The following TTBK1 variants were observed in gnomAD, a reference collection of about 807,000 sequenced individuals.
TTBK1 encodes the protein tau-tubulin kinase 1.
TTBK1 carries 34 observed loss-of-function variants against 108.5 expected under a neutral mutation model. The ratio of observed to expected loss-of-function variants is 0.31; its 90% CI spans 0.24 to 0.42. TTBK1 has a LOEUF of 0.42. Ranked by LOEUF, TTBK1 falls within the 10% of genes least tolerant of loss-of-function variation. The probability of loss-of-function intolerance (pLI) is 1.00; values close to 1 mark genes in which losing one functional copy is unlikely to be tolerated. For synonymous variants in TTBK1, 809 were observed against 795.1 expected (o/e 1.02, Z -0.29); for missense variants, 1,539 against 1,826.0 (o/e 0.84, Z 2.86).
intron 13 of TTBK1, among the ~76,000 whole-genome samples, chr6:43,279,428 G>T (rs976553819): frequency 1.1e-4 from 16 of 152,206 alleles, no homozygotes; most frequent in African/African-American, 3.6e-4. Context: ...GGATGTGCTG[G>T]TGCCAGTTGG....
intron 13 of TTBK1, among the ~76,000 whole-genome samples, chr6:43,281,653 G>A (rs1396380450): frequency 6.6e-6 from 1 of 152,188 alleles, no homozygotes; most frequent in Non-Finnish European, 1.5e-5. Context: ...GGGCAGGAAA[G>A]TGGGGAGGCA....
chr6:43,285,354 A>G lies in TTBK1; in HGVS notation c.3944A>G (p.Glu1315Gly). ...ACCAAAGGCCGGGCAGGAGGCGCGG[A>G]GGGCCGGGCTGGGGCCAGATAATGA... ...ATTKGRAGGA[E>G]GRAGAR Residue 1315 changes from glutamate to glycine, a missense_variant, in exon 15 of 15, where the codon GAG (glutamate) becomes GGG (glycine). Physicochemically the swap from Glu to Gly is moderately conservative, Grantham distance 98. Transcript: ENST00000259750. The surrounding 1 kb of genome is among the most constrained non-coding windows in gnomAD (Gnocchi z 4.7). 4 of 1,282,556 alleles carry G rather than the reference A, an allele frequency of 3.1e-6. No individual in the cohort carries two copies. Among genetic ancestry groups the G allele is most frequent in the Non-Finnish European group, 3.9e-6 (4 of 1,019,658 alleles). The allele number at this position is 1,282,556 out of a possible 1,614,324, so 79.4% of individuals were successfully genotyped here.
chr6:43,247,444 G>A (rs925281399), intron 2 of TTBK1, among the ~76,000 whole-genome samples: 4 of 152,226 alleles, frequency 2.6e-5, no homozygotes, highest in Admixed American at 1.3e-4. Context: ...GAGACCTACT[G>A]TAAATCACCT....
intron 13 of TTBK1, among the ~76,000 whole-genome samples, chr6:43,274,006 C>T (rs917159622): frequency 6.6e-6 from 1 of 152,130 alleles, no homozygotes; most frequent in Non-Finnish European, 1.5e-5. Flanking sequence ...GCATAAGTGC[C>T]TGAATGAGTG....
rs528554302 is a variant in TTBK1, at chr6:43,269,775, G to A, written c.1986+6425G>A. ...TCACCCCGGCGGCGGCGGCTCCTCG[G>A]GCTCCTCCGGTTCCCTCATTCAGCG... On this transcript the variant is annotated intron_variant, in intron 13 of 14. Coordinates refer to ENST00000259750, the MANE Select transcript of TTBK1 (RefSeq NM_032538.3). This position sits in a 1 kb window ranked among gnomAD's most constrained non-coding sequence, Gnocchi z 4.8. 1 of 1,584,468 alleles carries A rather than the reference G, an allele frequency of 6.3e-7. No individual in the cohort carries two copies. The highest frequency in any genetic ancestry group is 1.1e-5 in the South Asian group (1 of 88,482).
chr6:43,263,056 G>A lies in TTBK1; in HGVS notation c.1692G>A (p.Ser564=), dbSNP rs1249266602. ...DFPPGAEPST[S]GTTDEEPEEL... ...CTCCAGGGGCTGAGCCCAGCACATC[G>A]GGCACCACGGATGAGGAGCCCGAGG... Residue 564 remains serine, a synonymous_variant, in exon 13 of 15, where the codon TCG becomes TCA. Transcript: ENST00000259750. The surrounding 1 kb of genome is among the most constrained non-coding windows in gnomAD (Gnocchi z 4.7). The A allele has an allele frequency of 6.9e-6, 11 of 1,584,772 alleles. No homozygotes were observed. The highest frequency in any genetic ancestry group is 5.5e-5 in the Admixed American group (3 of 54,692).
At chr6:43,271,499 C>A in intron 13 of TTBK1, 1 of 985,424 alleles carries the variant, frequency 1.0e-6, no homozygotes, top group Non-Finnish European at 1.2e-6. Flanking sequence ...TCCTATGTAG[C>A]TACTCTCATC....
chr6:43,270,251 A>C, intron 13 of TTBK1: 2 of 1,207,082 alleles, frequency 1.7e-6, no homozygotes, highest in East Asian at 4.3e-5. Context: ...GGAGCCACTG[A>C]TGGGTCCAGA....
intron 12 of TTBK1, among the ~76,000 whole-genome samples, chr6:43,262,460 T>C (rs1777566872): frequency 2.0e-5 from 3 of 152,152 alleles, no homozygotes; most frequent in African/African-American, 7.2e-5. Flanking sequence ...TTAGCTTCCC[T>C]AGGGTGGCCC....
rs1391346713 is a variant in TTBK1 at position 43,273,109 on chromosome 6, A to AGATCCCAGT, written c.1987-9617_1987-9609dup. The stretch of plus-strand genomic sequence containing the variant: ...TAAACCTCATGATAGCTTATGAGGT[A>AGATCCCAGT]GATCCCAGTATTATCTGCATTCAAC... On this transcript the variant is annotated intron_variant, in intron 13 of 14. Transcript: ENST00000259750. This position sits in a 1 kb window ranked among gnomAD's most constrained non-coding sequence, Gnocchi z 4.2. Among the ~76,000 whole-genome samples, 1 of 152,236 alleles carries AGATCCCAGT rather than the reference A, an allele frequency of 6.6e-6. No individual in the cohort carries two copies. Among genetic ancestry groups the AGATCCCAGT allele is most frequent in the African/African-American group, 2.4e-5 (1 of 41,454 alleles).
In TTBK1 at chr6:43,269,611, T is replaced by A. The variant is rs1318255492; in HGVS notation, c.1986+6261T>A. The A allele has an allele frequency of 6.3e-7, 1 of 1,593,866 alleles. No individual in the cohort carries two copies. The highest frequency in any genetic ancestry group is 8.6e-7 in the Non-Finnish European group (1 of 1,168,142). ...AGCTGTCGAGTCTGTGCCTGACACC[T>A]CTTTTCCCTCCACTTTCTTGGTCTC... On this transcript the variant is annotated intron_variant, in intron 13 of 14. Transcript: ENST00000259750. The surrounding 1 kb of genome is among the most constrained non-coding windows in gnomAD (Gnocchi z 4.8).
Position 43,269,962 on chromosome 6 carries a change from C to G in TTBK1, c.1986+6612C>G. 3 of 1,435,412 alleles carry G rather than the reference C, an allele frequency of 2.1e-6. No homozygotes were observed. Among genetic ancestry groups the G allele is most frequent in the Non-Finnish European group, 2.7e-6 (3 of 1,098,584 alleles). The allele number at this position is 1,435,412 out of a possible 1,614,324, so 88.9% of individuals were successfully genotyped here. On this transcript the variant is annotated intron_variant, in intron 13 of 14. Transcript: ENST00000259750. The surrounding 1 kb of genome is among the most constrained non-coding windows in gnomAD (Gnocchi z 4.8). ...ACCCACAAGACCTAGGCTGGGCCCC[C>G]CCCCTCCTGGAGGGGGCAGGTGGGG...
In TTBK1 at chr6:43,269,663, G is replaced by A; in HGVS notation, c.1986+6313G>A. ...TTCAGTTGGAGGAGGACAGACTCTCGGGGCACTCCCTCCCGCGGTACAGCC... is the reference window on the plus strand; with the variant it reads ...TTCAGTTGGAGGAGGACAGACTCTCAGGGCACTCCCTCCCGCGGTACAGCC... On this transcript the variant is annotated intron_variant, in intron 13 of 14. Coordinates refer to ENST00000259750, the MANE Select transcript of TTBK1 (RefSeq NM_032538.3). This position sits in a 1 kb window ranked among gnomAD's most constrained non-coding sequence, Gnocchi z 4.8. The A allele has an allele frequency of 1.2e-6, 2 of 1,611,040 alleles. No homozygotes were observed. The highest frequency in any genetic ancestry group is 1.1e-5 in the South Asian group (1 of 91,046).
chr6:43,284,119 A>G lies in TTBK1; in HGVS notation c.3379A>G (p.Thr1127Ala). 1.9e-6 allele frequency: 3 copies of G among 1,539,672 alleles called. No individual in the cohort carries two copies. The South Asian group carries it at 3.5e-5, about 18-fold the overall frequency. The change falls in exon 14 of 15, where the codon ACG becomes GCG. Residue 1127 changes from threonine (T) to alanine (A), a missense_variant. Thr to Ala is a moderately conservative substitution (Grantham distance 58, BLOSUM62 0). Transcript: ENST00000259750. ...CCGTGCCTCTGAGACCCTCTCAGGC[A>G]CGGGCTCTGAGGAGGACACGCCCGC... The part of the protein sequence containing the change: ...QRRASETLSG[T>A]GSEEDTPASE...
intron 13 of TTBK1, among the ~76,000 whole-genome samples, chr6:43,277,760 C>T (rs1778045061): frequency 1.3e-5 from 2 of 152,202 alleles, no homozygotes; most frequent in African/African-American, 4.8e-5. Context: ...CAGACAAATG[C>T]AAGTGAAGGG....
chr6:43,271,845 G>C lies in TTBK1; in HGVS notation c.1986+8495G>C, dbSNP rs189013187. 5 of 985,108 alleles carry C rather than the reference G, an allele frequency of 5.1e-6. No individual in the cohort carries two copies. The East Asian group carries it at 4.6e-4, about 90-fold the overall frequency. 61.0% of individuals were successfully genotyped at this position (985,108 alleles called of 1,614,324 possible). On this transcript the variant is annotated intron_variant, in intron 13 of 14. Transcript: ENST00000259750. ...CTTCTCCATCTGGCAACAAAAGCCA[G>C]ATTTGGGTTCTAATACTTGTGCCCC...
rs773196114 is a variant in TTBK1 at position 43,257,951 on chromosome 6, C to T, written c.1001C>T (p.Thr334Met). ...STPPQQNTRQ[T>M]AAMFGVVNVT... ...CCGCCCCAGCAGAACACCCGGCAGA[C>T]GGCAGCCATGTTTGGGTGAGTCTCA... Residue 334 changes from threonine to methionine, a missense_variant, in exon 10 of 15, where the codon ACG becomes ATG. Thr to Met is a moderately conservative substitution (Grantham distance 81, BLOSUM62 -1). Transcript: ENST00000259750. This position sits in a 1 kb window ranked among gnomAD's most constrained non-coding sequence, Gnocchi z 4.5. 7 of 1,612,896 alleles carry T rather than the reference C, an allele frequency of 4.3e-6. No homozygotes were observed. Among genetic ancestry groups the T allele is most frequent in the East Asian group, 2.2e-5 (1 of 44,850 alleles).
At chr6:43,281,320 G>A (rs6929569) in intron 13 of TTBK1, among the ~76,000 whole-genome samples, 4,551 of 150,660 alleles carry the variant, frequency 0.03, 145 homozygotes, top group African/African-American at 0.084. Context: ...AGGTTGCAGT[G>A]AGCCGAGATC....
At position 43,253,296 on chromosome 6, in the gene TTBK1, G is replaced by A; in HGVS notation, c.262G>A (p.Asp88Asn). Residue 88 changes from aspartate (D) to asparagine (N), a missense_variant, in exon 4 of 15, where the codon GAC (aspartate) becomes AAC (asparagine). Physicochemically the swap from Asp to Asn is conservative, Grantham distance 23. Coordinates refer to ENST00000259750, the MANE Select transcript of TTBK1 (RefSeq NM_032538.3). The surrounding 1 kb of genome is among the most constrained non-coding windows in gnomAD (Gnocchi z 5.8). Reference sequence around the variant, plus strand: ...CCTATGTCTGTGCCCCTCAGGGAAGGACCATGTGTGCAGGTTCATTGGCTG... The same window carrying A: ...CCTATGTCTGTGCCCCTCAGGGAAGAACCATGTGTGCAGGTTCATTGGCTG... Reference protein sequence around the residue: ...VAVLKKLQGKDHVCRFIGCGR... With the variant: ...VAVLKKLQGKNHVCRFIGCGR... 6.2e-7 allele frequency: 1 copy of A among 1,614,104 alleles called. No homozygotes were observed. The highest frequency in any genetic ancestry group is 1.1e-5 in the South Asian group (1 of 91,080).
Sources: gnomAD v4.1 joint callset for allele counts (sites outside exome capture counted in the v4.1 genomes callset) on GRCh38, gnomAD v4.1.1 for gene constraint, Gnocchi (gnomAD v3.1) non-coding constraint, MANE v1.5 for transcripts, NCBI Gene and HGNC (gene_info 2026-07-23, HGNC 2026-07-21) for gene names.